Variants in FMN1 observed in about 807,000 individuals in gnomAD.
FMN1 encodes formin 1, also known as formin-1.
In FMN1, 110 loss-of-function variants were observed where a neutral mutation model predicts 132.4. The observed-to-expected ratio is 0.83, with a 90% CI of 0.71 to 0.97. The LOEUF is 0.97. Ranked by LOEUF, FMN1 falls within the 50% of genes least tolerant of loss-of-function variation. The probability of loss-of-function intolerance (pLI) is 0.00; values close to 1 mark genes in which losing one functional copy is unlikely to be tolerated. For synonymous variants in FMN1, 722 were observed against 651.7 expected (o/e 1.11, Z -1.64); for missense variants, 1,792 against 1,705.3 (o/e 1.05, Z -0.90).
At chr15:33,169,740 C>CTTTT (rs57083437) in intron 3 of FMN1, among the ~76,000 whole-genome samples, 5 of 117,904 alleles carry the variant, frequency 4.2e-5, no homozygotes, top group Non-Finnish European at 5.3e-5. Context: ...TTTTCTTTTC[C>CTTTT]TTTTTTTTTT....
intron 12 of FMN1, 81 bp from the exon 13 acceptor site, chr15:32,902,121 G>A: frequency 7.9e-7 from 1 of 1,259,996 alleles, no homozygotes; most frequent in Admixed American, 2.1e-5. Context: ...GACCCACTTT[G>A]GGAACATTCC....
chr15:32,803,141 C>G (rs2057537315), intron 18 of FMN1, among the ~76,000 whole-genome samples: 1 of 152,168 alleles, frequency 6.6e-6, no homozygotes, highest in Non-Finnish European at 1.5e-5. Flanking sequence ...TGGTTAATTT[C>G]TACAATCTGT....
chr15:32,826,447 C>A (rs1381553122), intron 17 of FMN1, among the ~76,000 whole-genome samples: 3 of 152,160 alleles, frequency 2.0e-5, no homozygotes, highest in Admixed American at 1.3e-4. Context: ...AGGGTATGCT[C>A]AGAAACTGAT....
chr15:32,888,804 G>A (rs1266469148), intron 15 of FMN1, among the ~76,000 whole-genome samples: 1 of 150,798 alleles, frequency 6.6e-6, no homozygotes, highest in African/African-American at 2.4e-5. Context: ...GCTCTTCTGT[G>A]TGCATGCATG....
In FMN1 at chr15:33,008,025, C is replaced by CA; in HGVS notation, c.2211dup (p.Glu738Ter). 1 of 1,600,786 alleles carries CA rather than the reference C, an allele frequency of 6.2e-7. No individual in the cohort carries two copies. ...TCAAAGAGGCATACCTGCAGGTTTT[C>CA]AATTTCTTCTTTGTGCTCCCTCTTC... On this transcript the variant is annotated frameshift_variant, in exon 7 of 21. Transcript: ENST00000616417. LOFTEE classifies it high-confidence loss of function.
chr15:33,152,749 T>C (rs1280633070), intron 4 of FMN1, among the ~76,000 whole-genome samples: 1 of 119,882 alleles, frequency 8.3e-6, no homozygotes. Flanking sequence ...CCTTTGAGAG[T>C]CACTGTTACG....
At chr15:33,034,059 C>T (rs149942731) in intron 6 of FMN1, among the ~76,000 whole-genome samples, 2,345 of 152,192 alleles carry the variant, frequency 0.015, 51 homozygotes, top group South Asian at 0.089. Flanking sequence ...CATCCAGTCT[C>T]AAAGTTTTAA....
intron 19 of FMN1, among the ~76,000 whole-genome samples, chr15:32,783,145 T>C (rs2056724081): frequency 6.6e-6 from 1 of 151,650 alleles, no homozygotes; most frequent in African/African-American, 2.4e-5. Context: ...ACCTCCTGAA[T>C]TGATAAAAAC....
chr15:33,085,990 G>A (rs1349602867), intron 5 of FMN1, among the ~76,000 whole-genome samples: 1 of 152,162 alleles, frequency 6.6e-6, no homozygotes, highest in Non-Finnish European at 1.5e-5. Flanking sequence ...GGTGGCTCAC[G>A]CCTGTAATCC....
At chr15:33,128,140 G>C (rs576555144) in intron 4 of FMN1, among the ~76,000 whole-genome samples, 4 of 151,840 alleles carry the variant, frequency 2.6e-5, no homozygotes, top group African/African-American at 4.9e-5. Context: ...GGGAGCAGTA[G>C]AGAGTGTAAC....
chr15:32,847,580 C>A (rs7172013), intron 17 of FMN1, among the ~76,000 whole-genome samples: 4 of 151,994 alleles, frequency 2.6e-5, no homozygotes, highest in Admixed American at 1.3e-4. Context: ...TAAGGCCGGG[C>A]GTGGTGGCTC....
chr15:33,074,143 C>T (rs748455956), intron 5 of FMN1, among the ~76,000 whole-genome samples: 1 of 152,184 alleles, frequency 6.6e-6, no homozygotes, highest in Non-Finnish European at 1.5e-5. Context: ...AAAGGCATCC[C>T]ATCTCCTGTT....
chr15:33,129,184 T>G (rs1368693184), intron 4 of FMN1, among the ~76,000 whole-genome samples: 1 of 152,206 alleles, frequency 6.6e-6, no homozygotes, highest in Non-Finnish European at 1.5e-5. Flanking sequence ...AAACAGCAAT[T>G]AAGTAATACC....
intron 5 of FMN1, among the ~76,000 whole-genome samples, chr15:33,065,707 A>AAT (rs1255126419): frequency 6.6e-6 from 1 of 152,192 alleles, no homozygotes; most frequent in East Asian, 1.9e-4. Flanking sequence ...GAATATTTTA[A>AAT]ATATATAGGA....
chr15:32,787,995 T>C (rs992248833), intron 19 of FMN1, among the ~76,000 whole-genome samples: 2 of 152,266 alleles, frequency 1.3e-5, no homozygotes, highest in Admixed American at 6.5e-5. Context: ...TCTTAGAGAC[T>C]GCATGCATTT....
chr15:32,942,481 T>C (rs2061422026), intron 9 of FMN1, among the ~76,000 whole-genome samples: 1 of 152,160 alleles, frequency 6.6e-6, no homozygotes, highest in Admixed American at 6.5e-5. Flanking sequence ...AAAATAAAAA[T>C]AAATGGTTCT....
chr15:33,135,504 G>A (rs987195289), intron 4 of FMN1, among the ~76,000 whole-genome samples: 8 of 152,138 alleles, frequency 5.3e-5, no homozygotes, highest in South Asian at 2.1e-4. Flanking sequence ...ACTGCTTCTC[G>A]CTGGCATCAA....
At chr15:32,873,481 G>A (rs972753863) in intron 16 of FMN1, among the ~76,000 whole-genome samples, 3 of 152,152 alleles carry the variant, frequency 2.0e-5, no homozygotes, top group Non-Finnish European at 4.4e-5. Flanking sequence ...GAGTTATGGC[G>A]CAGGGACAGT....
At chr15:33,188,178 CAA>C (rs56854679) in intron 2 of FMN1, among the ~76,000 whole-genome samples, 134 of 148,300 alleles carry the variant, frequency 9.0e-4, no homozygotes, top group African/African-American at 2.0e-3. Context: ...ACTAAAAATG[CAA>C]AAAAAAAAAA....
Sources: allele counts gnomAD v4.1 joint callset (sites outside exome capture counted in the v4.1 genomes callset), GRCh38; gene constraint gnomAD v4.1.1; transcripts MANE v1.5; gene names NCBI Gene and HGNC (gene_info 2026-07-23, HGNC 2026-07-21).